Variants in ASB2 observed in about 807,000 individuals in gnomAD.
ASB2 encodes ankyrin repeat and SOCS box containing 2.
In ASB2, 58 loss-of-function variants were observed where a neutral mutation model predicts 62.4. The ratio of observed to expected loss-of-function variants is 0.93; its 90% CI spans 0.75 to 1.16. ASB2 has a LOEUF of 1.16. Ranked by LOEUF, ASB2 falls within the 50% of genes most tolerant of loss-of-function variation. The pLI is 0.00. For synonymous variants in ASB2, 386 were observed against 385.3 expected (o/e 1.00, Z -0.02); for missense variants, 928 against 887.9 (o/e 1.05, Z -0.57).
chr14:93,974,532 C>T (rs1241215770), intron 1 of ASB2, among the ~76,000 whole-genome samples: 2 of 152,190 alleles, frequency 1.3e-5, no homozygotes, highest in East Asian at 1.9e-4. Context: ...CCACAATATA[C>T]GGGCACCTTA....
intron 7 of ASB2, among the ~76,000 whole-genome samples, chr14:93,946,479 T>G (rs1434859904): frequency 6.6e-6 from 1 of 152,240 alleles, no homozygotes; most frequent in East Asian, 1.9e-4. Flanking sequence ...CATTTGCCTA[T>G]TTCCCCATGT....
At position 93,947,118 on chromosome 14, in the gene ASB2, A is replaced by G. The variant is rs1272256858; in HGVS notation, c.1052+231T>C. Among the ~76,000 whole-genome samples, 3 of 152,220 alleles carry G rather than the reference A, an allele frequency of 2.0e-5. No homozygotes were observed. The South Asian group carries it at 6.2e-4, about 32-fold the overall frequency. On this transcript the variant is annotated intron_variant, in intron 7 of 9. Transcript: ENST00000555019. ...GTGAAGTACTGGTAAGCGCTGCATA[A>G]GGGTTTGCTGTTATTATTTCAGTTG... is the stretch of plus-strand genomic sequence containing the variant.
At chr14:93,947,770 G>T (rs142033365) in intron 6 of ASB2, among the ~76,000 whole-genome samples, 2,100 of 152,130 alleles carry the variant, frequency 0.014, 32 homozygotes, top group Middle Eastern at 0.048. Flanking sequence ...GAGGCAGGCG[G>T]ATCACCTGAG....
At chr14:93,941,388 C>T (rs767640732) in intron 7 of ASB2, 5 of 325,384 alleles carry the variant, frequency 1.5e-5, no homozygotes, top group Non-Finnish European at 3.0e-5. Flanking sequence ...CGCCTCTGGC[C>T]TCCTGGCACA....
chr14:93,971,135 A>G (rs1889745693), intron 1 of ASB2, among the ~76,000 whole-genome samples: 1 of 152,234 alleles, frequency 6.6e-6, no homozygotes, highest in Admixed American at 6.5e-5. Context: ...ATTGAGAGTG[A>G]AAGTGAAAAT....
rs985576834 is a variant in ASB2, at chr14:93,964,595, A to T, written c.-56T>A. 1.6e-5 allele frequency: 24 copies of T among 1,494,150 alleles called. No individual in the cohort carries two copies. Among genetic ancestry groups the T allele is most frequent in the Non-Finnish European group, 2.0e-5 (22 of 1,109,452 alleles). The allele number at this position is 1,494,150 out of a possible 1,614,324, so 92.6% of individuals were successfully genotyped here. A position where few individuals can be genotyped will look rare whatever the true frequency, so the allele number is the denominator to read the frequency against. On this transcript the variant is annotated 5_prime_UTR_variant, in exon 2 of 10. Transcript: ENST00000555019. ...ACAGACACCCAGTGGGGAGGAGGGAACAGCAAATCAGAAAACCCTGTGAGG... is the reference window on the plus strand; with the variant it reads ...ACAGACACCCAGTGGGGAGGAGGGATCAGCAAATCAGAAAACCCTGTGAGG...
In ASB2 at chr14:93,964,378, A is replaced by T; in HGVS notation, c.162T>A (p.Ser54=). The T allele has an allele frequency of 2.0e-6, 3 of 1,536,130 alleles. No individual in the cohort carries two copies. The highest frequency in any genetic ancestry group is 2.6e-6 in the Non-Finnish European group (3 of 1,146,890). The change falls in exon 2 of 10, where the codon TCT becomes TCA. Residue 54 remains serine (S), a synonymous_variant. Coordinates refer to ENST00000555019, the MANE Select transcript of ASB2 (RefSeq NM_001202429.2). The part of the protein sequence containing the change: ...RGPTTAEATA[S]ACTNRQPAHF... ...GGGCAGGTTGGCGGTTGGTACATGC[A>T]GACGCGGTGGCCTCAGCAGTGGTTG...
chr14:93,976,511 G>A lies in ASB2; in HGVS notation c.-151C>T, dbSNP rs1595340574. On this transcript the variant is annotated 5_prime_UTR_variant, in exon 1 of 10. Coordinates refer to ENST00000555019, the MANE Select transcript of ASB2 (RefSeq NM_001202429.2). ...TTGAAAGTGTCTTAATTCAGAACAT[G>A]CTCCCCGAGTTTTCCTTCTGCCCTG... is the stretch of plus-strand genomic sequence containing the variant. 6.6e-6 allele frequency: 1 copy of A among 152,352 alleles called. No homozygotes were observed. Among genetic ancestry groups the A allele is most frequent in the African/African-American group, 2.4e-5 (1 of 41,580 alleles). 9.4% of individuals were successfully genotyped at this position (152,352 alleles called of 1,614,324 possible). A position where few individuals can be genotyped will look rare whatever the true frequency, so the allele number is the denominator to read the frequency against.
intron 2 of ASB2, among the ~76,000 whole-genome samples, chr14:93,963,807 C>T (rs1460584427): frequency 6.6e-6 from 1 of 152,122 alleles, no homozygotes; most frequent in African/African-American, 2.4e-5. Context: ...AAATTGCATC[C>T]GTGCATTGCA....
chr14:93,946,416 T>C (rs1430434516), intron 7 of ASB2, among the ~76,000 whole-genome samples: 1 of 152,226 alleles, frequency 6.6e-6, no homozygotes, highest in Non-Finnish European at 1.5e-5. Context: ...TGGGAATGCT[T>C]AAAAACTGGC....
intron 1 of ASB2, among the ~76,000 whole-genome samples, chr14:93,975,670 A>G (rs577612001): frequency 6.6e-6 from 1 of 152,276 alleles, no homozygotes; most frequent in Admixed American, 6.5e-5. Flanking sequence ...TTTCACATGC[A>G]GAACCCTTTG....
Position 93,953,487 on chromosome 14 carries a change from G to C in ASB2, c.499C>G (p.Gln167Glu). The change falls in exon 5 of 10, where the codon CAG (glutamine) becomes GAG (glutamate). Residue 167 changes from glutamine to glutamate, a missense_variant. Coordinates refer to ENST00000555019, the MANE Select transcript of ASB2 (RefSeq NM_001202429.2). Reference protein sequence around the residue: ...LQRAYPGTIDQRTLQEETAVY... With the variant: ...LQRAYPGTIDERTLQEETAVY... ...GCTGTTTCCTCCTGCAGGGTGCGCT[G>C]GTCGATGGTCCCTGGGTACGCTAGG... The C allele has an allele frequency of 6.3e-7, 1 of 1,597,250 alleles. No homozygotes were observed. Among genetic ancestry groups the C allele is most frequent in the Non-Finnish European group, 8.6e-7 (1 of 1,167,116 alleles).
intron 2 of ASB2, among the ~76,000 whole-genome samples, chr14:93,960,151 G>C (rs1595328947): frequency 6.6e-6 from 1 of 152,210 alleles, no homozygotes; most frequent in East Asian, 1.9e-4. Context: ...TTGCAAATGA[G>C]AGAACTGAGG....
At chr14:93,939,939 TA>T (rs1316781272) in intron 7 of ASB2, 2 of 414,746 alleles carry the variant, frequency 4.8e-6, no homozygotes, top group African/African-American at 4.2e-5. Context: ...ACATAGCCAG[TA>T]AGGGGCAGAG....
Position 93,934,394 on chromosome 14 carries a change from C to T in ASB2, c.*262G>A. The stretch of plus-strand genomic sequence containing the variant: ...CTGGCCCCAGGAATAGAGGTTTCTG[C>T]CATTCCTGAAGGTAGAGAAGGTCTG... On this transcript the variant is annotated 3_prime_UTR_variant, in exon 10 of 10. Transcript: ENST00000555019. 2.1e-6 allele frequency: 1 copy of T among 482,936 alleles called. No individual in the cohort carries two copies. The allele number at this position is 482,936 out of a possible 1,614,324, so 29.9% of individuals were successfully genotyped here.
intron 8 of ASB2, 77 bp downstream of exon 8, chr14:93,939,031 C>T (rs994731830): frequency 1.5e-5 from 19 of 1,301,992 alleles, no homozygotes; most frequent in African/African-American, 7.9e-5. Flanking sequence ...CCCGGCCCCG[C>T]CCGCCTCCCA....
chr14:93,976,350 C>T (rs1889911970), intron 1 of ASB2, 84 bp downstream of exon 1: 1 of 152,198 alleles, frequency 6.6e-6, no homozygotes, highest in African/African-American at 2.4e-5. Flanking sequence ...CAAGCGGTTT[C>T]CAGTAAGTAC....
At chr14:93,954,114 G>A (rs1056146313) in intron 4 of ASB2, 2 of 583,574 alleles carry the variant, frequency 3.4e-6, no homozygotes, top group South Asian at 4.2e-5. Flanking sequence ...CCTGTCCTTG[G>A]AGGCCTGGAG....
At chr14:93,964,010 C>T (rs1000899825) in intron 2 of ASB2, among the ~76,000 whole-genome samples, 6 of 152,220 alleles carry the variant, frequency 3.9e-5, no homozygotes, top group South Asian at 2.1e-4. Context: ...GCTCTGATCT[C>T]GGCAGCATTA....
Sources: gnomAD v4.1 joint callset for allele counts (sites outside exome capture counted in the v4.1 genomes callset) on GRCh38, gnomAD v4.1.1 for gene constraint, MANE v1.5 for transcripts, NCBI Gene and HGNC (gene_info 2026-07-23, HGNC 2026-07-21) for gene names.